Variants in CADM1 observed in about 807,000 individuals in gnomAD.
CADM1 encodes the protein cell adhesion molecule 1.
A neutral mutation model predicts 53.1 loss-of-function variants in CADM1; 15 were observed. The ratio of observed to expected loss-of-function variants is 0.28; its 90% CI spans 0.19 to 0.44. The LOEUF (loss-of-function observed/expected upper bound fraction) is 0.44. CADM1 is among the 20% of genes least tolerant of loss of function. The pLI is 1.00. For synonymous variants in CADM1, 281 were observed against 243.0 expected, an observed-to-expected ratio of 1.16 and a Z score of -1.45; for missense variants, 434 against 611.3, an observed-to-expected ratio of 0.71 and a Z score of 3.06.
intron 10 of CADM1, among the ~76,000 whole-genome samples, chr11:115,179,645 T>C (rs1450972630): frequency 1.3e-5 from 2 of 152,182 alleles, no homozygotes; most frequent in African/African-American, 4.8e-5. Flanking sequence ...GCATTTGAGA[T>C]TTATAATGTA....
chr11:115,248,853 T>C (rs962687703), intron 1 of CADM1, among the ~76,000 whole-genome samples: 1 of 152,182 alleles, frequency 6.6e-6, no homozygotes, highest in Non-Finnish European at 1.5e-5. Flanking sequence ...TGAGATGGCA[T>C]TGAAATCACC....
chr11:115,426,278 A>AT (rs894272319), intron 1 of CADM1, among the ~76,000 whole-genome samples: 95 of 152,336 alleles, frequency 6.2e-4, no homozygotes, highest in African/African-American at 2.2e-3. Flanking sequence ...ATGATATAAA[A>AT]TTGAAGAAAC....
chr11:115,239,445 C>T (rs1942138397), intron 2 of CADM1, among the ~76,000 whole-genome samples: 1 of 152,094 alleles, frequency 6.6e-6, no homozygotes, highest in Non-Finnish European at 1.5e-5. Flanking sequence ...ACATGTGGGC[C>T]TCTTATTTAG....
chr11:115,490,392 A>ATTTTTT (rs35633504), intron 1 of CADM1, among the ~76,000 whole-genome samples: 7 of 109,328 alleles, frequency 6.4e-5, no homozygotes, highest in Non-Finnish European at 1.1e-4. Flanking sequence ...GGAAGAACAG[A>ATTTTTT]TTTTTTTTTT....
intron 9 of CADM1, among the ~76,000 whole-genome samples, chr11:115,196,517 T>A (rs1940153566): frequency 6.7e-6 from 1 of 148,292 alleles, no homozygotes; most frequent in Non-Finnish European, 1.5e-5. Context: ...TCCAATCTTT[T>A]AGCTTCCCTG....
At chr11:115,263,905 A>G (rs552983332) in intron 1 of CADM1, among the ~76,000 whole-genome samples, 5 of 152,180 alleles carry the variant, frequency 3.3e-5, no homozygotes, top group Non-Finnish European at 5.9e-5. Context: ...CGATAGCAAA[A>G]GAGCTGAGAA....
intron 1 of CADM1, among the ~76,000 whole-genome samples, chr11:115,497,374 C>T (rs1949642338): frequency 6.6e-6 from 1 of 152,226 alleles, no homozygotes. Flanking sequence ...AGACACCTGT[C>T]AGTCATAACA....
rs571214462 is a variant in CADM1 at position 115,327,832 on chromosome 11, T to C, written c.125-87412A>G. On this transcript the variant is annotated intron_variant, in intron 1 of 11. Transcript: ENST00000331581. ...TATGCATACAGAGTACCAGATACAT[T>C]GTAAGTACTCAATAAATGTTAGCGC... Among the ~76,000 whole-genome samples the C allele has an allele frequency of 3.9e-5, 6 of 152,316 alleles. No individual in the cohort carries two copies. The East Asian group carries it at 1.2e-3, about 29-fold the overall frequency.
chr11:115,417,614 G>GA (rs1269641874), intron 1 of CADM1, among the ~76,000 whole-genome samples: 2 of 152,204 alleles, frequency 1.3e-5, no homozygotes, highest in African/African-American at 2.4e-5. Context: ...CGGCTAGTGA[G>GA]AGACCACCAG....
At chr11:115,181,597 C>G (rs374190093) in intron 10 of CADM1, among the ~76,000 whole-genome samples, 4 of 152,300 alleles carry the variant, frequency 2.6e-5, no homozygotes, top group Admixed American at 6.5e-5. Flanking sequence ...CTGCCGGTTA[C>G]GAGCGCCTCA....
At chr11:115,424,725 C>T (rs2135279007) in intron 1 of CADM1, among the ~76,000 whole-genome samples, 1 of 152,138 alleles carries the variant, frequency 6.6e-6, no homozygotes, top group African/African-American at 2.4e-5. Context: ...GGGGTTTCGA[C>T]ATGTTGGCCA....
In CADM1 at chr11:115,412,169, G is replaced by T. The variant is rs578013457; in HGVS notation, c.124+92102C>A. ...CTGCTTTTATAAACAGCTTTATGAAGCAAATTTAAGTATTTTAAAAAATTA... is the reference window on the plus strand; with the variant it reads ...CTGCTTTTATAAACAGCTTTATGAATCAAATTTAAGTATTTTAAAAAATTA... On this transcript the variant is annotated intron_variant, in intron 1 of 11. Transcript: ENST00000331581. Among the ~76,000 whole-genome samples, 4 of 152,154 alleles carry T rather than the reference G, an allele frequency of 2.6e-5. No homozygotes were observed. In the East Asian group the frequency reaches 7.8e-4, roughly 30 times the overall value.
intron 1 of CADM1, among the ~76,000 whole-genome samples, chr11:115,361,209 G>C (rs1162730083): frequency 6.6e-6 from 1 of 152,168 alleles, no homozygotes; most frequent in Non-Finnish European, 1.5e-5. Flanking sequence ...TCTAGTGCTT[G>C]TCTGTGAAAT....
chr11:115,392,781 C>A (rs1475927837), intron 1 of CADM1, among the ~76,000 whole-genome samples: 3 of 151,856 alleles, frequency 2.0e-5, no homozygotes, highest in African/African-American at 4.8e-5. Context: ...GTGAAACCTG[C>A]AAAGAAACAC....
intron 5 of CADM1, among the ~76,000 whole-genome samples, chr11:115,219,405 C>CGGGGG (rs1427002501): frequency 1.3e-5 from 2 of 152,144 alleles, no homozygotes; most frequent in Non-Finnish European, 2.9e-5. Context: ...GCATTCAAAA[C>CGGGGG]CTTTTAAGAG....
At chr11:115,459,302 A>G (rs886508965) in intron 1 of CADM1, among the ~76,000 whole-genome samples, 2 of 152,212 alleles carry the variant, frequency 1.3e-5, no homozygotes, top group African/African-American at 4.8e-5. Context: ...CCCACCCAAC[A>G]AAAGGCCTAA....
intron 1 of CADM1, among the ~76,000 whole-genome samples, chr11:115,360,909 A>C (rs1285731951): frequency 6.6e-6 from 1 of 152,204 alleles, no homozygotes; most frequent in Non-Finnish European, 1.5e-5. Flanking sequence ...ACTAGGATAA[A>C]ACTGTCTTGA....
intron 1 of CADM1, among the ~76,000 whole-genome samples, chr11:115,334,208 G>A (rs1185056065): frequency 6.6e-6 from 1 of 152,162 alleles, no homozygotes; most frequent in African/African-American, 2.4e-5. Flanking sequence ...GAACTACAGT[G>A]ATGTAGTATT....
chr11:115,503,528 C>T (rs1470951467), intron 1 of CADM1, among the ~76,000 whole-genome samples: 2 of 152,044 alleles, frequency 1.3e-5, no homozygotes, highest in Non-Finnish European at 2.9e-5. Context: ...TGCGGGCTCC[C>T]GGCGCCTTCC....
Sources: gnomAD v4.1 joint callset for allele counts (sites outside exome capture counted in the v4.1 genomes callset) on GRCh38, gnomAD v4.1.1 for gene constraint, MANE v1.5 for transcripts, NCBI Gene and HGNC (gene_info 2026-07-23, HGNC 2026-07-21) for gene names.